The following NFIL3 variants were observed in gnomAD, a reference collection of about 807,000 sequenced individuals.
NFIL3 encodes nuclear factor, interleukin 3 regulated.
A neutral mutation model predicts 10.0 loss-of-function variants in NFIL3; 5 were observed. That is an observed-to-expected ratio of 0.50 (90% CI 0.26 to 1.06). NFIL3 has a LOEUF of 1.06. NFIL3 is among the 50% of genes least tolerant of loss of function. NFIL3 has a pLI of 0.13. For synonymous variants in NFIL3, 202 were observed against 206.5 expected (o/e 0.98, Z 0.19); for missense variants, 436 against 547.6 (o/e 0.80, Z 2.03).
At chr9:91,456,484 T>C in the NFIL3 span, among the ~76,000 whole-genome samples, 2 of 152,322 alleles carry the variant, frequency 1.3e-5, no homozygotes, top group African/African-American at 4.8e-5. Flanking sequence ...TTAAACACCT[T>C]TCCCATGCTC....
At chr9:91,469,351 G>A in the NFIL3 span, among the ~76,000 whole-genome samples, 1 of 152,148 alleles carries the variant, frequency 6.6e-6, no homozygotes, top group Non-Finnish European at 1.5e-5. Context: ...TGGTGTATAG[G>A]AATGCTTGTG....
At chr9:91,413,503 G>C (rs1003044302) in intron 1 of NFIL3, among the ~76,000 whole-genome samples, 10 of 151,966 alleles carry the variant, frequency 6.6e-5, no homozygotes, top group African/African-American at 2.4e-4. Flanking sequence ...TGCCTGCCTC[G>C]GACTCCCAAA....
chr9:91,440,942 A>ACCC, the NFIL3 span, among the ~76,000 whole-genome samples: 3 of 152,134 alleles, frequency 2.0e-5, no homozygotes, highest in East Asian at 5.8e-4. Context: ...ATCCTGGAGA[A>ACCC]TATTCCATGT....
intron 1 of NFIL3, among the ~76,000 whole-genome samples, chr9:91,416,499 T>C (rs536025753): frequency 6.6e-6 from 1 of 152,364 alleles, no homozygotes; most frequent in Admixed American, 6.5e-5. Flanking sequence ...ACATCTAATG[T>C]TGTGGTATAT....
chr9:91,456,029 A>C, the NFIL3 span, among the ~76,000 whole-genome samples: 1 of 152,114 alleles, frequency 6.6e-6, no homozygotes, highest in South Asian at 2.1e-4. Flanking sequence ...TGTAAGGGAA[A>C]CCACACAACT....
At chr9:91,426,157 C>T (rs1366086281), upstream of NFIL3, 1 of 152,164 alleles carries the variant, frequency 6.6e-6, no homozygotes, top group East Asian at 1.9e-4. Flanking sequence ...ATCGAATGCT[C>T]CTATATTTAC....
Position 91,409,549 on chromosome 9 carries a change from C to T in NFIL3, c.1186G>A (p.Glu396Lys). ...CTCAGTTCTTTTTGATGCCAGTGCT[C>T]CGATTTGAGAGACCAATCTTGAATG... is the stretch of plus-strand genomic sequence containing the variant. ...TNIQDWSLKS[E>K]HWHQKELSGK... The change falls in exon 2 of 2, where the codon GAG (glutamate) becomes AAG (lysine). Residue 396 changes from glutamate to lysine, a missense_variant. By Grantham distance (56) the Glu-to-Lys change is moderately conservative. Coordinates refer to ENST00000297689, the MANE Select transcript of NFIL3 (RefSeq NM_005384.3). 1 of 1,613,904 alleles carries T rather than the reference C, an allele frequency of 6.2e-7. No homozygotes were observed. Among genetic ancestry groups the T allele is most frequent in the Admixed American group, 1.7e-5 (1 of 59,978 alleles).
the NFIL3 span, among the ~76,000 whole-genome samples, chr9:91,446,877 A>G: frequency 6.7e-6 from 1 of 149,678 alleles, no homozygotes; most frequent in Admixed American, 6.7e-5. Flanking sequence ...ATGCAATGGC[A>G]TGGTCTTGGC....
the NFIL3 span, among the ~76,000 whole-genome samples, chr9:91,438,851 C>A: frequency 6.6e-6 from 1 of 152,124 alleles, no homozygotes; most frequent in Non-Finnish European, 1.5e-5. Context: ...GCACCCTATT[C>A]TGTTTCACTG....
the NFIL3 span, among the ~76,000 whole-genome samples, chr9:91,453,716 A>T: frequency 6.6e-6 from 1 of 152,076 alleles, no homozygotes; most frequent in Non-Finnish European, 1.5e-5. Context: ...ACATGGGAAT[A>T]GGGTGCATTT....
the NFIL3 span, among the ~76,000 whole-genome samples, chr9:91,469,597 C>T: frequency 6.6e-6 from 1 of 152,184 alleles, no homozygotes; most frequent in Non-Finnish European, 1.5e-5. Flanking sequence ...GAGAGCATCC[C>T]TGTCTTGTGC....
chr9:91,463,163 T>G, the NFIL3 span, among the ~76,000 whole-genome samples: 1 of 151,818 alleles, frequency 6.6e-6, no homozygotes, highest in East Asian at 1.9e-4. Context: ...ATATCCTACA[T>G]AGTTTCTTAT....
At chr9:91,425,324 C>T (rs1428869649), upstream of NFIL3, among the ~76,000 whole-genome samples, 2 of 152,244 alleles carry the variant, frequency 1.3e-5, no homozygotes, top group African/African-American at 2.4e-5. Context: ...TACCTTTCCC[C>T]TTCTTGCACA....
chr9:91,483,034 AACTTCCAG>A, the NFIL3 span, among the ~76,000 whole-genome samples: 3 of 152,194 alleles, frequency 2.0e-5, no homozygotes, highest in Non-Finnish European at 4.4e-5. Flanking sequence ...CTTGTTGCCC[AACTTCCAG>A]TTCCTGGTCT....
At chr9:91,475,914 G>T in the NFIL3 span, among the ~76,000 whole-genome samples, 1 of 152,228 alleles carries the variant, frequency 6.6e-6, no homozygotes, top group Non-Finnish European at 1.5e-5. Context: ...GGTAGTGAAT[G>T]ATAGTTAACT....
intron 1 of NFIL3, among the ~76,000 whole-genome samples, chr9:91,411,652 G>C (rs1389957920): frequency 2.6e-5 from 4 of 152,116 alleles, no homozygotes; most frequent in African/African-American, 9.7e-5. Flanking sequence ...CTCTTTACAA[G>C]CATCTGAGTT....
At chr9:91,438,721 A>G in the NFIL3 span, among the ~76,000 whole-genome samples, 1 of 152,090 alleles carries the variant, frequency 6.6e-6, no homozygotes. Context: ...TCATTCTTTT[A>G]TATGTAGAAA....
Position 91,409,922 on chromosome 9 carries a change from G to A in NFIL3, c.813C>T (p.Ser271=), listed in dbSNP as rs772050374. The part of the protein sequence containing the change: ...LLQVNRSSSN[S]PRTSETDDGV... Reference sequence around the variant, plus strand: ...CATCATCAGTTTCCGACGTTCTCGGGGAGTTGCTGGAGGATCGGTTGACTT... The same window carrying A: ...CATCATCAGTTTCCGACGTTCTCGGAGAGTTGCTGGAGGATCGGTTGACTT... Residue 271 remains serine, a synonymous_variant, in exon 2 of 2, where the codon TCC becomes TCT. Coordinates refer to ENST00000297689, the MANE Select transcript of NFIL3 (RefSeq NM_005384.3). The A allele has an allele frequency of 6.2e-7, 1 of 1,613,942 alleles. No homozygotes were observed. The highest frequency in any genetic ancestry group is 8.5e-7 in the Non-Finnish European group (1 of 1,180,022).
At chr9:91,470,459 TA>T in the NFIL3 span, among the ~76,000 whole-genome samples, 1,545 of 147,248 alleles carry the variant, frequency 0.01, 29 homozygotes, top group African/African-American at 0.037. Flanking sequence ...GTTGATCTTT[TA>T]AAAAAAACCA....
Sources: gnomAD v4.1 joint callset for allele counts (sites outside exome capture counted in the v4.1 genomes callset) on GRCh38, gnomAD v4.1.1 for gene constraint, MANE v1.5 for transcripts, NCBI Gene and HGNC (gene_info 2026-07-23, HGNC 2026-07-21) for gene names.